Variants in CSMD1 observed in about 807,000 individuals in gnomAD.
CSMD1 encodes CUB and sushi domain-containing protein 1.
A neutral mutation model predicts 417.5 loss-of-function variants in CSMD1; 213 were observed. The observed-to-expected ratio is 0.51, with a 90% confidence interval of 0.46 to 0.57. The LOEUF (loss-of-function observed/expected upper bound fraction) is 0.57, where lower values mean the gene tolerates loss of function less well. Ranked by LOEUF, CSMD1 falls within the 20% of genes least tolerant of loss-of-function variation. CSMD1 has a pLI of 0.00. For synonymous variants in CSMD1, 2,862 were observed against 1,736.8 expected (o/e 1.65, Z -16.11); for missense variants, 6,923 against 4,529.7 (o/e 1.53, Z -15.17).
chr8:3,039,249 C>T (rs67562441), intron 50 of CSMD1, among the ~76,000 whole-genome samples: 3 of 147,978 alleles, frequency 2.0e-5, no homozygotes, highest in Admixed American at 1.3e-4. Flanking sequence ...ATCTGACTCC[C>T]GTGCCTGAAA....
chr8:4,872,820 C>A (rs1380301347), intron 1 of CSMD1, among the ~76,000 whole-genome samples: 1 of 152,006 alleles, frequency 6.6e-6, no homozygotes, highest in Non-Finnish European at 1.5e-5. Context: ...TGTTTTTGCC[C>A]TTTATGAAAC....
rs376686325 is a variant in CSMD1 at position 3,586,170 on chromosome 8, G to T, written c.1188C>A (p.Leu396=). 1.2e-6 allele frequency: 2 copies of T among 1,612,528 alleles called. No individual in the cohort carries two copies. Among genetic ancestry groups the T allele is most frequent in the South Asian group, 1.1e-5 (1 of 90,868 alleles). The part of the protein sequence containing the change: ...SITCQRVTET[L]AAWSDHRPIC... ...TGGGCCTGTGGTCACTCCAAGCAGC[G>T]AGCGTCTCTGTAACTCTCTGACAGG... Residue 396 remains leucine (L), a synonymous_variant, in exon 9 of 70, where the codon CTC becomes CTA. Transcript: ENST00000635120.
rs1043614368 is a variant in CSMD1 at position 3,726,231 on chromosome 8, A to C, written c.932-17740T>G. Among the ~76,000 whole-genome samples the C allele has an allele frequency of 5.3e-5, 8 of 152,162 alleles. No homozygotes were observed. In the East Asian group the frequency reaches 1.5e-3, roughly 29 times the overall value. On this transcript the variant is annotated intron_variant, in intron 6 of 69. Coordinates refer to ENST00000635120, the MANE Select transcript of CSMD1 (RefSeq NM_033225.6). ...TGCAGCCCCAGCCAGCATTGACTGT[A>C]AACCCATGAGAGGCTGGGAAAGAAC...
At chr8:3,601,416 A>G (rs1425986181) in intron 8 of CSMD1, among the ~76,000 whole-genome samples, 2 of 152,192 alleles carry the variant, frequency 1.3e-5, no homozygotes, top group Non-Finnish European at 2.9e-5. Context: ...TATGCTATCA[A>G]ACAGGTTTAG....
chr8:4,066,313 T>G (rs892543514), intron 3 of CSMD1, among the ~76,000 whole-genome samples: 1 of 152,196 alleles, frequency 6.6e-6, no homozygotes, highest in East Asian at 1.9e-4. Context: ...GTCTGGCTCT[T>G]AAAGGTGTTC....
At chr8:4,755,818 T>C (rs1351106) in intron 1 of CSMD1, among the ~76,000 whole-genome samples, 151,072 of 152,290 alleles carry the variant, frequency 0.99, 74,935 homozygotes, top group East Asian at 1. Flanking sequence ...GACACTATCT[T>C]ATTGTTACAT....
At chr8:3,706,667 A>C (rs1263626755) in intron 7 of CSMD1, among the ~76,000 whole-genome samples, 1 of 152,206 alleles carries the variant, frequency 6.6e-6, no homozygotes, top group Admixed American at 6.5e-5. Context: ...AAATGATCGG[A>C]TATCCAACCT....
At chr8:3,242,228 T>C (rs1220335651) in intron 26 of CSMD1, among the ~76,000 whole-genome samples, 1 of 151,434 alleles carries the variant, frequency 6.6e-6, no homozygotes, top group African/African-American at 2.4e-5. Context: ...GGGGAGGTGA[T>C]AAAAGGATTA....
intron 1 of CSMD1, among the ~76,000 whole-genome samples, chr8:4,961,658 C>T (rs1809493642): frequency 6.6e-6 from 1 of 152,054 alleles, no homozygotes; most frequent in Non-Finnish European, 1.5e-5. Flanking sequence ...CAGAAAAACC[C>T]TACAAGTTGT....
chr8:3,138,055 G>A (rs1002323327), intron 41 of CSMD1, among the ~76,000 whole-genome samples: 2 of 152,022 alleles, frequency 1.3e-5, no homozygotes, highest in Non-Finnish European at 2.9e-5. Flanking sequence ...GTGAAACCCT[G>A]TCTCTACTAA....
intron 10 of CSMD1, among the ~76,000 whole-genome samples, chr8:3,548,649 T>C (rs1330788974): frequency 5.1e-5 from 7 of 136,122 alleles, no homozygotes; most frequent in South Asian, 4.8e-4. Flanking sequence ...GGCTGAGTGG[T>C]ATTCCATCAT....
chr8:4,493,335 CTT>C (rs1474420309), intron 2 of CSMD1, among the ~76,000 whole-genome samples: 6 of 152,098 alleles, frequency 3.9e-5, no homozygotes, highest in Middle Eastern at 6.3e-3. Context: ...TATGTTCACT[CTT>C]AACTAGGCAC....
intron 5 of CSMD1, among the ~76,000 whole-genome samples, chr8:3,875,661 G>A (rs1405812838): frequency 6.6e-6 from 1 of 152,184 alleles, no homozygotes; most frequent in African/African-American, 2.4e-5. Flanking sequence ...AGTGGGTGGT[G>A]AATTCCAGGA....
rs781090107 is a variant in CSMD1, at chr8:3,840,373, G to C, written c.819-86331C>G. ...GAAAACTCTAGTGCACAAATATGCTGAGGGAGAATAATAGTGTGTAAATAA... is the reference window on the plus strand; with the variant it reads ...GAAAACTCTAGTGCACAAATATGCTCAGGGAGAATAATAGTGTGTAAATAA... On this transcript the variant is annotated intron_variant, in intron 5 of 69. Transcript: ENST00000635120. 9.8e-5 allele frequency among the ~76,000 whole-genome samples: 15 copies of C among 152,306 alleles called. No individual in the cohort carries two copies. In the East Asian group the frequency reaches 2.9e-3, roughly 29 times the overall value.
intron 3 of CSMD1, among the ~76,000 whole-genome samples, chr8:4,084,629 A>G (rs368756744): frequency 1.2e-4 from 19 of 152,180 alleles, no homozygotes; most frequent in Admixed American, 3.9e-4. Flanking sequence ...AGAGTTTGCC[A>G]AGCCCTCTTT....
At position 3,137,121 on chromosome 8, in the gene CSMD1, C is replaced by T. The variant is rs1818149121; in HGVS notation, c.6241+5344G>A. ...TTGTGGGGGGAATGTTCAATATCCT[C>T]CTGGCTCTGTGAAATGATGGGACAT... On this transcript the variant is annotated intron_variant, in intron 41 of 69. Transcript: ENST00000635120. Among the ~76,000 whole-genome samples, 3 of 152,228 alleles carry T rather than the reference C, an allele frequency of 2.0e-5. No homozygotes were observed. The South Asian group carries it at 6.2e-4, about 32-fold the overall frequency.
At chr8:4,539,897 G>T (rs1797294428) in intron 2 of CSMD1, among the ~76,000 whole-genome samples, 1 of 152,064 alleles carries the variant, frequency 6.6e-6, no homozygotes, top group Admixed American at 6.6e-5. Context: ...GAGAGGTTGG[G>T]TGTGCGGAAA....
At chr8:3,947,168 T>G (rs1466538239) in intron 5 of CSMD1, among the ~76,000 whole-genome samples, 1 of 152,230 alleles carries the variant, frequency 6.6e-6, no homozygotes, top group Admixed American at 6.5e-5. Context: ...AAAATTTCCA[T>G]GGATGCCCTT....
At chr8:3,708,239 C>T (rs545770433) in intron 7 of CSMD1, among the ~76,000 whole-genome samples, 175 bp downstream of exon 7, 2 of 152,228 alleles carry the variant, frequency 1.3e-5, no homozygotes, top group South Asian at 4.2e-4. Context: ...GACATTCCTC[C>T]GTAACAAAGT....
Sources: allele counts gnomAD v4.1 joint callset (sites outside exome capture counted in the v4.1 genomes callset), GRCh38; gene constraint gnomAD v4.1.1; transcripts MANE v1.5; gene names NCBI Gene and HGNC (gene_info 2026-07-23, HGNC 2026-07-21).